The following TUT1 variants were observed in gnomAD, a reference collection of about 807,000 sequenced individuals.
The protein encoded by TUT1 is speckle targeted PIP5K1A-regulated poly(A) polymerase.
Under a neutral mutation model 48.8 loss-of-function variants are expected in TUT1, and 26 were observed. The observed-to-expected ratio is 0.53, with a 90% confidence interval of 0.39 to 0.74. The LOEUF is 0.74. TUT1 is among the 30% of genes least tolerant of loss of function. The pLI is 0.00. For synonymous variants in TUT1, 470 were observed against 460.8 expected (o/e 1.02, Z -0.26); for missense variants, 1,065 against 1,114.8 (o/e 0.96, Z 0.64).
chr11:62,576,648 C>G lies in TUT1; in HGVS notation c.1474+9G>C, dbSNP rs1941733704. 2.5e-6 allele frequency: 4 copies of G among 1,613,566 alleles called. No homozygotes were observed. In the African/African-American group the frequency reaches 4.0e-5, roughly 16 times the overall value. ...ATTACTAGTCCTCTACCAGGCTCCC[C>G]AAACTCACTGAGGGGCTCCACATTT... On this transcript the variant is annotated intron_variant, in intron 8 of 8. Transcript: ENST00000476907.
Position 62,581,585 on chromosome 11 carries a change from C to T in TUT1, c.390G>A (p.Glu130=), listed in dbSNP as rs1413082985. Residue 130 remains glutamate, a synonymous_variant, in exon 3 of 9, where the codon GAG becomes GAA. Coordinates refer to ENST00000476907, the MANE Select transcript of TUT1 (RefSeq NM_022830.3). ...GGGATTTGGAGGCCGGGCTCTGGAA[C>T]TCCTTCTGCTCCCGTGGGCGGACAC... ...RLRVRPREQK[E]FQSPASKSPK... 3.7e-6 allele frequency: 6 copies of T among 1,607,454 alleles called. No individual in the cohort carries two copies. The African/African-American group carries it at 5.4e-5, about 14-fold the overall frequency.
At position 62,575,502 on chromosome 11, in the gene TUT1, C is replaced by T; in HGVS notation, c.2217G>A (p.Gly739=). The change falls in exon 9 of 9, where the codon GGG becomes GGA. Residue 739 remains glycine (G), a synonymous_variant. Transcript: ENST00000476907. The stretch of plus-strand genomic sequence containing the variant: ...CTTGGGCTGCCTCATGTCCCTTGGG[C>T]CCCCGCTCTGCCAGGGCTGCGTGGC... ...QPSHAALAER[G]PKGHEAAQEW... 7.4e-6 allele frequency: 12 copies of T among 1,612,820 alleles called. No homozygotes were observed. The highest frequency in any genetic ancestry group is 1.3e-5 in the African/African-American group (1 of 75,058).
At chr11:62,582,419 CAAA>C in intron 2 of TUT1, 6 of 239,102 alleles carry the variant, frequency 2.5e-5, no homozygotes, top group South Asian at 7.1e-5. Flanking sequence ...CACCCTGTCT[CAAA>C]AAAAAAAAGA....
At chr11:62,588,434 A>T (rs1357821382) in intron 2 of TUT1, among the ~76,000 whole-genome samples, 1 of 152,174 alleles carries the variant, frequency 6.6e-6, no homozygotes, top group Non-Finnish European at 1.5e-5. Context: ...CGCGCCTGTA[A>T]TCTCAGTTGC....
At chr11:62,577,116 C>G in intron 6 of TUT1, 66 bp downstream of exon 6, 1 of 1,590,934 alleles carries the variant, frequency 6.3e-7, no homozygotes, top group South Asian at 1.1e-5. Context: ...CCTCCCTTCT[C>G]TCCCTGAATC....
chr11:62,579,171 T>C (rs1180617895), intron 4 of TUT1, 141 bp from the exon 5 acceptor site: 6 of 293,286 alleles, frequency 2.0e-5, no homozygotes, highest in East Asian at 7.1e-5. Flanking sequence ...ACAGGAACCC[T>C]TTTTTTTTTT....
chr11:62,579,359 T>C (rs911331366), intron 4 of TUT1, among the ~76,000 whole-genome samples: 1 of 152,190 alleles, frequency 6.6e-6, no homozygotes, highest in African/African-American at 2.4e-5. Flanking sequence ...TTTACATCTG[T>C]GTCAATGTAA....
intron 2 of TUT1, among the ~76,000 whole-genome samples, chr11:62,582,171 T>TA: frequency 6.6e-6 from 1 of 152,004 alleles, no homozygotes; most frequent in Middle Eastern, 3.4e-3. Context: ...TCAGTAAAAA[T>TA]GGGGTTTCAC....
intron 5 of TUT1, among the ~76,000 whole-genome samples, chr11:62,577,560 G>T (rs1006544768): frequency 2.7e-5 from 4 of 150,862 alleles, no homozygotes; most frequent in African/African-American, 4.9e-5. Context: ...ACTCCAGCCT[G>T]GGTGACAGAG....
At chr11:62,587,119 G>C (rs938921433) in intron 2 of TUT1, among the ~76,000 whole-genome samples, 1 of 124,164 alleles carries the variant, frequency 8.1e-6, no homozygotes, top group Non-Finnish European at 1.7e-5. Context: ...AAAGGAAAAA[G>C]AAAAGGCATT....
At chr11:62,583,827 C>T (rs1941868720) in intron 2 of TUT1, among the ~76,000 whole-genome samples, 1 of 152,158 alleles carries the variant, frequency 6.6e-6, no homozygotes, top group South Asian at 2.1e-4. Flanking sequence ...CATCTTTGGT[C>T]AACTGATTTT....
chr11:62,581,259 G>A (rs548666323), intron 3 of TUT1, 53 bp from the exon 4 acceptor site: 3 of 1,589,042 alleles, frequency 1.9e-6, no homozygotes, highest in Non-Finnish European at 2.6e-6. Flanking sequence ...GGAGCAGGGG[G>A]AAGAACAAAA....
chr11:62,579,664 T>C (rs1447646783), intron 4 of TUT1, among the ~76,000 whole-genome samples: 1 of 124,532 alleles, frequency 8.0e-6, no homozygotes, highest in Non-Finnish European at 1.8e-5. Flanking sequence ...ATAAAGTCCA[T>C]TTTTTTTTTT....
chr11:62,576,081 G>T lies in TUT1; in HGVS notation c.1638C>A (p.Asp546Glu), dbSNP rs768139478. The change falls in exon 9 of 9, where the codon GAC (aspartate) becomes GAA (glutamate). Residue 546 changes from aspartate (D) to glutamate (E), a missense_variant. Physicochemically the swap from Asp to Glu is conservative, Grantham distance 45 (BLOSUM62 2). Coordinates refer to ENST00000476907, the MANE Select transcript of TUT1 (RefSeq NM_022830.3). ...LGPLNLQDPFDLSHNVAANVT... is the reference protein window; with the variant it reads ...LGPLNLQDPFELSHNVAANVT... ...CATTGGCTGCGACATTGTGACTCAG[G>T]TCAAAAGGGTCCTGGAGATTCAGGG... 6.2e-7 allele frequency: 1 copy of T among 1,613,970 alleles called. No homozygotes were observed.
chr11:62,575,483 C>T lies in TUT1; in HGVS notation c.2236G>A (p.Ala746Thr). The T allele has an allele frequency of 6.2e-7, 1 of 1,612,424 alleles. No individual in the cohort carries two copies. Among genetic ancestry groups the T allele is most frequent in the Non-Finnish European group, 8.5e-7 (1 of 1,180,016 alleles). Residue 746 changes from alanine (A) to threonine (T), a missense_variant, in exon 9 of 9, where the codon GCC becomes ACC. Physicochemically the swap from Ala to Thr is moderately conservative, Grantham distance 58. Transcript: ENST00000476907. ...GCCTCACCCTGAGACCATTCTTGGG[C>T]TGCCTCATGTCCCTTGGGCCCCCGC... ...AERGPKGHEA[A>T]QEWSQGEAGK...
Position 62,575,724 on chromosome 11 carries a change from T to TC in TUT1, c.1994dup (p.Gln666ThrfsTer6). The TC allele has an allele frequency of 6.2e-7, 1 of 1,614,160 alleles. No homozygotes were observed. The highest frequency in any genetic ancestry group is 8.5e-7 in the Non-Finnish European group (1 of 1,179,982). Reference sequence around the variant, plus strand: ...TCCCCTCCTCACAGCAGTTTTTCTGTCCATCTACTTTGAGTCTTTTGCTTG... The same window carrying TC: ...TCCCCTCCTCACAGCAGTTTTTCTGTCCCATCTACTTTGAGTCTTTTGCTTG... On this transcript the variant is annotated frameshift_variant, in exon 9 of 9. Transcript: ENST00000476907. LOFTEE classifies it low-confidence loss of function (END_TRUNC).
Position 62,591,523 on chromosome 11 carries a change from T to A in TUT1, c.-38A>T. The A allele has an allele frequency of 6.2e-7, 1 of 1,613,208 alleles. No homozygotes were observed. The highest frequency in any genetic ancestry group is 8.5e-7 in the Non-Finnish European group (1 of 1,179,654). ...GTACCGACAAAAACACAAGCACCTC[T>A]GCCACCACCGGAACCCACTTCGCCA... On this transcript the variant is annotated 5_prime_UTR_variant, in exon 1 of 9. Transcript: ENST00000476907.
In TUT1 at chr11:62,591,387, C is replaced by T. The variant is rs1300901703; in HGVS notation, c.82+17G>A. 6.4e-7 allele frequency: 1 copy of T among 1,551,730 alleles called. No individual in the cohort carries two copies. Among genetic ancestry groups the T allele is most frequent in the Non-Finnish European group, 8.7e-7 (1 of 1,148,676 alleles). On this transcript the variant is annotated intron_variant, in intron 1 of 8. Transcript: ENST00000476907. ...AGCCCGCAACCACCCCCGGGTCCCT[C>T]ACTAGCCACCGCTTACGGTTGGCTG...
At chr11:62,584,127 A>ATT (rs1190506956) in intron 2 of TUT1, among the ~76,000 whole-genome samples, 34 of 133,292 alleles carry the variant, frequency 2.6e-4, no homozygotes, top group East Asian at 1.9e-3. Flanking sequence ...ACTGAATTGT[A>ATT]TTTTTTTTTT....
Sources: allele counts gnomAD v4.1 joint callset (sites outside exome capture counted in the v4.1 genomes callset), GRCh38; gene constraint gnomAD v4.1.1; transcripts MANE v1.5; gene names NCBI Gene and HGNC (gene_info 2026-07-23, HGNC 2026-07-21).